The following BCKDHB variants were observed in gnomAD, a reference collection of about 807,000 sequenced individuals.
The protein encoded by BCKDHB is 2-oxoisovalerate dehydrogenase subunit beta, mitochondrial.
A neutral mutation model predicts 48.5 loss-of-function variants in BCKDHB; 41 were observed. The observed-to-expected ratio is 0.85, with a 90% CI of 0.66 to 1.10. The LOEUF is 1.10. BCKDHB is among the 50% of genes least tolerant of loss of function. BCKDHB has a pLI of 0.00. For missense variants in BCKDHB, 496 were observed against 494.2 expected (o/e 1.00, Z -0.03); for synonymous variants, 201 against 174.8 (o/e 1.15, Z -1.18).
chr6:80,255,458 A>G (rs893000027), intron 8 of BCKDHB, among the ~76,000 whole-genome samples: 4 of 152,176 alleles, frequency 2.6e-5, no homozygotes, highest in African/African-American at 9.7e-5. Context: ...ACTTCCATTT[A>G]CAAAAAATAA....
At chr6:80,364,173 G>T in the BCKDHB span, among the ~76,000 whole-genome samples, 1 of 152,310 alleles carries the variant, frequency 6.6e-6, no homozygotes, top group East Asian at 1.9e-4. Context: ...GATTTACAGT[G>T]TGTATCACTT....
At chr6:80,153,107 T>C (rs1362587898) in intron 3 of BCKDHB, among the ~76,000 whole-genome samples, 1 of 152,170 alleles carries the variant, frequency 6.6e-6, no homozygotes, top group Admixed American at 6.6e-5. Flanking sequence ...TTGCCTTTGA[T>C]CTTCAGCCCT....
intron 6 of BCKDHB, among the ~76,000 whole-genome samples, chr6:80,191,563 A>G (rs1405413683): frequency 2.0e-5 from 3 of 152,060 alleles, no homozygotes; most frequent in Admixed American, 6.6e-5. Flanking sequence ...TCCCCCCCTC[A>G]TGTTTTAATA....
intron 9 of BCKDHB, among the ~76,000 whole-genome samples, chr6:80,300,052 T>A (rs549625956): frequency 6.7e-6 from 1 of 150,112 alleles, no homozygotes; most frequent in African/African-American, 2.5e-5. Flanking sequence ...GAGCCACTAG[T>A]CTTTTTTTTT....
chr6:80,403,560 C>A, the BCKDHB span, among the ~76,000 whole-genome samples: 2 of 151,638 alleles, frequency 1.3e-5, no homozygotes, highest in African/African-American at 4.8e-5. Context: ...CTAATGTTGG[C>A]GGCTTTTGTT....
intron 8 of BCKDHB, among the ~76,000 whole-genome samples, chr6:80,245,163 A>G (rs1425270377): frequency 3.3e-5 from 5 of 152,158 alleles, no homozygotes; most frequent in African/African-American, 9.7e-5. Flanking sequence ...GCACACACAG[A>G]AAGTCAACTG....
At chr6:80,271,373 A>G (rs1777734413) in intron 8 of BCKDHB, among the ~76,000 whole-genome samples, 2 of 152,114 alleles carry the variant, frequency 1.3e-5, no homozygotes, top group Admixed American at 6.6e-5. Flanking sequence ...ATCTGCTTAC[A>G]AATCATGTTG....
intron 9 of BCKDHB, among the ~76,000 whole-genome samples, chr6:80,284,702 T>C (rs1341232719): frequency 2.0e-5 from 3 of 152,180 alleles, no homozygotes; most frequent in Non-Finnish European, 4.4e-5. Context: ...TTTTTAAAAA[T>C]GCCTTAAGGT....
At chr6:80,410,581 C>G in the BCKDHB span, among the ~76,000 whole-genome samples, 9 of 152,262 alleles carry the variant, frequency 5.9e-5, no homozygotes, top group African/African-American at 2.2e-4. Flanking sequence ...TCAGGTACAC[C>G]AATCAAATGT....
At position 80,127,760 on chromosome 6, in the gene BCKDHB, T is replaced by C. The variant is rs902547808; in HGVS notation, c.274+136T>C. The C allele has an allele frequency of 1.2e-5, 10 of 861,432 alleles. No homozygotes were observed. The Admixed American group carries it at 1.7e-4, about 15-fold the overall frequency. The allele number at this position is 861,432 out of a possible 1,614,324, so 53.4% of individuals were successfully genotyped here. ...TTTCAAAGGTATGATTGGGGCTAAA[T>C]AATCAAATTGCAATATTAGTCCACT... is the stretch of plus-strand genomic sequence containing the variant. On this transcript the variant is annotated intron_variant, in intron 2 of 9. Transcript: ENST00000320393.
chr6:80,351,841 G>A, the BCKDHB span, among the ~76,000 whole-genome samples: 1 of 138,132 alleles, frequency 7.2e-6, no homozygotes, highest in Non-Finnish European at 1.6e-5. Context: ...TTTTTTTTGA[G>A]ACGGAGTTTC....
At chr6:80,336,824 AAAAT>A (rs1769617112) in intron 9 of BCKDHB, among the ~76,000 whole-genome samples, 1 of 152,100 alleles carries the variant, frequency 6.6e-6, no homozygotes, top group Non-Finnish European at 1.5e-5. Flanking sequence ...TGGTGTTAAC[AAAAT>A]AAAATAAGCA....
At chr6:80,432,451 CT>C in the BCKDHB span, among the ~76,000 whole-genome samples, 1 of 152,038 alleles carries the variant, frequency 6.6e-6, no homozygotes, top group Non-Finnish European at 1.5e-5. Flanking sequence ...CACTGATATC[CT>C]TTCTTCCGCT....
At chr6:80,312,593 A>T (rs188677038) in intron 9 of BCKDHB, among the ~76,000 whole-genome samples, 37 of 152,234 alleles carry the variant, frequency 2.4e-4, no homozygotes, top group Admixed American at 4.6e-4. Context: ...TAGTAGCTAG[A>T]GGTATGTTCC....
intron 8 of BCKDHB, among the ~76,000 whole-genome samples, chr6:80,231,834 A>T (rs986501493): frequency 5.3e-5 from 8 of 152,080 alleles, no homozygotes; most frequent in Admixed American, 5.2e-4. Flanking sequence ...GCCTGGTGGC[A>T]CGCACCTGTA....
intron 6 of BCKDHB, among the ~76,000 whole-genome samples, chr6:80,176,956 A>G (rs919944901): frequency 6.6e-6 from 1 of 152,168 alleles, no homozygotes; most frequent in African/African-American, 2.4e-5. Flanking sequence ...CACGTGTGGT[A>G]GCTCATGCCT....
intron 9 of BCKDHB, among the ~76,000 whole-genome samples, chr6:80,301,539 A>G (rs1767580878): frequency 6.6e-6 from 1 of 152,056 alleles, no homozygotes; most frequent in Admixed American, 6.5e-5. Context: ...ATTAAGCGCC[A>G]TGAACCAGAT....
chr6:80,437,426 T>C, the BCKDHB span, among the ~76,000 whole-genome samples: 3 of 152,186 alleles, frequency 2.0e-5, no homozygotes, highest in African/African-American at 7.2e-5. Flanking sequence ...ATTAGAGGGC[T>C]TGCCAGCATT....
At chr6:80,266,901 C>T (rs1269534865) in intron 8 of BCKDHB, among the ~76,000 whole-genome samples, 2 of 151,912 alleles carry the variant, frequency 1.3e-5, no homozygotes, top group African/African-American at 4.8e-5. Context: ...ATTAGGTATT[C>T]TAGTTAGGTA....
Sources: gnomAD v4.1 joint callset for allele counts (sites outside exome capture counted in the v4.1 genomes callset) on GRCh38, gnomAD v4.1.1 for gene constraint, MANE v1.5 for transcripts, NCBI Gene and HGNC (gene_info 2026-07-23, HGNC 2026-07-21) for gene names.